SPEG: variants seen among roughly 807,000 people sequenced by gnomAD.
The protein encoded by SPEG is striated muscle preferentially expressed protein kinase.
In SPEG, 114 loss-of-function variants were observed where a neutral mutation model predicts 300.4. The observed-to-expected ratio is 0.38, with a 90% confidence interval of 0.33 to 0.44. The LOEUF (loss-of-function observed/expected upper bound fraction) is 0.44, where lower values mean the gene tolerates loss of function less well. SPEG is among the 20% of genes least tolerant of loss of function. The pLI, the probability that SPEG is intolerant of heterozygous loss-of-function variation, is 1.00. For missense variants in SPEG, 4,201 were observed against 4,586.2 expected (o/e 0.92, Z 2.43); for synonymous variants, 1,964 against 2,018.9 (o/e 0.97, Z 0.73).
rs557189784 is a variant in SPEG, at chr2:219,461,919, C to T, written c.2478C>T (p.Ser826=). 35 of 1,613,952 alleles carry T rather than the reference C, an allele frequency of 2.2e-5. No homozygotes were observed. The highest frequency in any genetic ancestry group is 4.5e-5 in the East Asian group (2 of 44,872). Reference sequence around the variant, plus strand: ...CCCCTTTCAGCAGCCCCATCACCTCCGACGAGGAATACCTGAGCCCCCCAG... The same window carrying T: ...CCCCTTTCAGCAGCCCCATCACCTCTGACGAGGAATACCTGAGCCCCCCAG... The part of the protein sequence containing the change: ...STSPFSSPIT[S]DEEYLSPPEE... The change falls in exon 7 of 41, where the codon TCC becomes TCT. Residue 826 remains serine (S), a synonymous_variant. Transcript: ENST00000312358.
At chr2:219,471,800 T>C in intron 13 of SPEG, 68 bp from the exon 14 acceptor site, 1 of 1,591,790 alleles carries the variant, frequency 6.3e-7, no homozygotes, top group Non-Finnish European at 8.6e-7. Flanking sequence ...AGGCCCGGGA[T>C]GGCATGGGCC....
intron 1 of SPEG, among the ~76,000 whole-genome samples, chr2:219,442,720 C>T (rs1215743354): frequency 1.3e-5 from 2 of 151,526 alleles, no homozygotes; most frequent in African/African-American, 2.4e-5. Context: ...CCCCCGCATC[C>T]CCATCTTCTC....
At chr2:219,466,275 A>G (rs1691347073) in intron 9 of SPEG, 1 of 1,427,048 alleles carries the variant, frequency 7.0e-7, no homozygotes, top group Non-Finnish European at 9.1e-7. Context: ...AAGTGGACAC[A>G]TGGCTGTGCA....
chr2:219,491,315 T>C (rs1425492627), intron 38 of SPEG, among the ~76,000 whole-genome samples: 1 of 152,214 alleles, frequency 6.6e-6, no homozygotes, highest in East Asian at 1.9e-4. Context: ...TTGACGTTCA[T>C]GATCTCTCTT....
rs1692102757 is a variant in SPEG, at chr2:219,473,805, G to A, written c.4349G>A (p.Arg1450Gln). 2.5e-6 allele frequency: 4 copies of A among 1,613,972 alleles called. No homozygotes were observed. The highest frequency in any genetic ancestry group is 3.4e-6 in the Non-Finnish European group (4 of 1,180,032). The change falls in exon 18 of 41, where the codon CGG (arginine) becomes CAG (glutamine). Residue 1450 changes from arginine (R) to glutamine (Q), a missense_variant. By Grantham distance (43) the Arg-to-Gln change is conservative. This residue lies in a region of SPEG where 1,047 missense variants were observed against 1,356.8 expected (regional missense o/e 0.77). Coordinates refer to ENST00000312358, the MANE Select transcript of SPEG (RefSeq NM_005876.5). This position sits in a 1 kb window ranked among gnomAD's most constrained non-coding sequence, Gnocchi z 4.6. The stretch of plus-strand genomic sequence containing the variant: ...CCAGATGATGACCAGTACTGTCTTC[G>A]GATCTGCCGGGTGAGCCGCCGGGAC... Reference protein sequence around the residue: ...SQPDDDQYCLRICRVSRRDMG... With the variant: ...SQPDDDQYCLQICRVSRRDMG...
chr2:219,461,864 A>G lies in SPEG; in HGVS notation c.2441-18A>G, dbSNP rs554564499. ...CTGCTCGCCTTCCTCCCTGGTAGCT[A>G]TCTCTGTCTCTCTCCAGGTGGGTCT... On this transcript the variant is annotated intron_variant, in intron 6 of 40. Transcript: ENST00000312358. The G allele has an allele frequency of 2.5e-5, 40 of 1,610,482 alleles. No individual in the cohort carries two copies. The highest frequency in any genetic ancestry group is 1.9e-4 in the South Asian group (17 of 90,676).
chr2:219,460,270 G>A (rs1190015137), intron 6 of SPEG: 1 of 980,596 alleles, frequency 1.0e-6, no homozygotes, highest in South Asian at 4.7e-5. Flanking sequence ...CTCTGTGAAG[G>A]AGGGCAAAGA....
rs1183700961 is a variant in SPEG at position 219,480,550 on chromosome 2, A to T, written c.5343-121A>T. The T allele has an allele frequency of 4.0e-6, 4 of 1,008,722 alleles. No individual in the cohort carries two copies. The South Asian group carries it at 5.4e-5, about 14-fold the overall frequency. The allele number at this position is 1,008,722 out of a possible 1,614,324, so 62.5% of individuals were successfully genotyped here. On this transcript the variant is annotated intron_variant, in intron 25 of 40. Coordinates refer to ENST00000312358, the MANE Select transcript of SPEG (RefSeq NM_005876.5). The surrounding 1 kb of genome is among the most constrained non-coding windows in gnomAD (Gnocchi z 5.3). ...CCCTGAAGAAGCCACTCCTGTGCCC[A>T]TTGTCCATGGCAGTGTTCCCAGGGA...
Position 219,484,500 on chromosome 2 carries a change from C to A in SPEG, c.7037C>A (p.Ser2346Ter). The change falls in exon 30 of 41, where the codon TCG becomes TAG. Residue 2346 changes from serine to a stop codon, truncating the protein, a stop_gained. Transcript: ENST00000312358. LOFTEE classifies it high-confidence loss of function. Reference sequence around the variant, plus strand: ...AAGCGCAGCCGCGAGTCGCCCCTGTCGCTGGGGCTGCGGCTGCTGAGCCGT... The same window carrying A: ...AAGCGCAGCCGCGAGTCGCCCCTGTAGCTGGGGCTGCGGCTGCTGAGCCGT... ...KFKRSRESPLSLGLRLLSRSR... is the reference protein window; with the variant it reads ...KFKRSRESPL The A allele has an allele frequency of 6.2e-7, 1 of 1,606,230 alleles. No homozygotes were observed. The highest frequency in any genetic ancestry group is 8.5e-7 in the Non-Finnish European group (1 of 1,178,110).
intron 9 of SPEG, chr2:219,466,319 G>C: frequency 7.1e-7 from 1 of 1,413,606 alleles, no homozygotes; most frequent in East Asian, 2.6e-5. Flanking sequence ...TGAGTGCTGG[G>C]AAGGGGCGGC....
rs1485650573 is a variant in SPEG, at chr2:219,479,142, A to G, written c.5028-2A>G. ...CACTGTTCTCCTTGATCTGGGATGTAGCTGCACAGAGGAGCTGCTGGAGCG... is the reference window on the plus strand; with the variant it reads ...CACTGTTCTCCTTGATCTGGGATGTGGCTGCACAGAGGAGCTGCTGGAGCG... On this transcript the variant is annotated splice_acceptor_variant, in intron 22 of 40. Coordinates refer to ENST00000312358, the MANE Select transcript of SPEG (RefSeq NM_005876.5). LOFTEE classifies it high-confidence loss of function. The surrounding 1 kb of genome is among the most constrained non-coding windows in gnomAD (Gnocchi z 5.5). 6.2e-7 allele frequency: 1 copy of G among 1,613,468 alleles called. No homozygotes were observed. Among genetic ancestry groups the G allele is most frequent in the Non-Finnish European group, 8.5e-7 (1 of 1,179,906 alleles).
rs373747426 is a variant in SPEG at position 219,465,845 on chromosome 2, ATGCATGTGTG to A, written c.2881+1251_2881+1260del. On this transcript the variant is annotated intron_variant, in intron 9 of 40. Coordinates refer to ENST00000312358, the MANE Select transcript of SPEG (RefSeq NM_005876.5). Reference sequence around the variant, plus strand: ...CGTGCGCATGCGTGCGTGTATGTGCATGCATGTGTGTGCATGTGTGTGCGTGTGTGCGTGC... The same window carrying A: ...CGTGCGCATGCGTGCGTGTATGTGCATGCATGTGTGTGCGTGTGTGCGTGC... 1.0e-3 allele frequency: 617 copies of A among 608,756 alleles called. 3 individuals are homozygous for A. Among genetic ancestry groups the A allele is most frequent in the South Asian group, 2.4e-3 (128 of 53,654 alleles). The allele number at this position is 608,756 out of a possible 1,614,324, so 37.7% of individuals were successfully genotyped here.
intron 8 of SPEG, among the ~76,000 whole-genome samples, chr2:219,463,368 A>C (rs1575103301): frequency 1.1e-5 from 1 of 93,564 alleles, no homozygotes; most frequent in Admixed American, 1.1e-4. Context: ...TTCATTTTTA[A>C]TTGATTGTCT....
In SPEG at chr2:219,483,737, C is replaced by T. The variant is rs1395526433; in HGVS notation, c.6274C>T (p.Leu2092=). The change falls in exon 30 of 41, where the codon CTG becomes TTG. Residue 2092 remains leucine (L), a synonymous_variant. Coordinates refer to ENST00000312358, the MANE Select transcript of SPEG (RefSeq NM_005876.5). ...GGTCAGCGGCCTCAGGGGTCCCCTG[C>T]TGGAGAGCCTGGGGGGCCGTGCTCG... is the stretch of plus-strand genomic sequence containing the variant. ...GKVSGLRGPL[L]ESLGGRARDP... 4 of 1,537,656 alleles carry T rather than the reference C, an allele frequency of 2.6e-6. No individual in the cohort carries two copies. Among genetic ancestry groups the T allele is most frequent in the South Asian group, 1.2e-5 (1 of 84,380 alleles).
chr2:219,462,132 ATGCC>A, intron 7 of SPEG, 75 bp downstream of exon 7: 1 of 1,271,186 alleles, frequency 7.9e-7, no homozygotes, highest in South Asian at 1.4e-5. Context: ...TCTTGGGGCC[ATGCC>A]TAGGCAACAT....
Position 219,493,403 on chromosome 2 carries a change from T to C in SPEG, c.*617T>C, listed in dbSNP as rs1176167937. On this transcript the variant is annotated 3_prime_UTR_variant, in exon 41 of 41. Transcript: ENST00000312358. ...CCAGCAGTCACTCACACTCGCTCTG[T>C]CCTCCTGTCCAGTGGATACAGCCCT... 1 of 375,018 alleles carries C rather than the reference T, an allele frequency of 2.7e-6. No individual in the cohort carries two copies. The highest frequency in any genetic ancestry group is 5.4e-6 in the Non-Finnish European group (1 of 185,978). 23.2% of individuals were successfully genotyped at this position (375,018 alleles called of 1,614,324 possible).
At chr2:219,470,829 G>C (rs1691806970) in intron 13 of SPEG, among the ~76,000 whole-genome samples, 1 of 152,186 alleles carries the variant, frequency 6.6e-6, no homozygotes, top group Admixed American at 6.5e-5. Flanking sequence ...TGGTAAAATG[G>C]GGATAATTTT....
Position 219,484,946 on chromosome 2 carries a change from A to G in SPEG, c.7483A>G (p.Thr2495Ala). 1.3e-6 allele frequency: 2 copies of G among 1,529,564 alleles called. No individual in the cohort carries two copies. The highest frequency in any genetic ancestry group is 8.7e-7 in the Non-Finnish European group (1 of 1,144,358). The allele number at this position is 1,529,564 out of a possible 1,614,324, so 94.7% of individuals were successfully genotyped here. ...GCTGTTCGGACGGCTTCGCAGGGCC[A>G]CGTCCGAGGGCGAGAGTCTGCGGCG... is the stretch of plus-strand genomic sequence containing the variant. ...TPLFGRLRRA[T>A]SEGESLRRLG... is the part of the protein sequence containing the mutation. The change falls in exon 30 of 41, where the codon ACG becomes GCG. Residue 2495 changes from threonine (T) to alanine (A), a missense_variant. By Grantham distance (58) the Thr-to-Ala change is moderately conservative. Transcript: ENST00000312358.
rs559606643 is a variant in SPEG, at chr2:219,479,177, G to A, written c.5061G>A (p.Arg1687=). The part of the protein sequence containing the change: ...CTEELLERIA[R]KPTVCESEIR... ...AGGAGCTGCTGGAGCGAATCGCCAG[G>A]AAACCCACCGTGTGTGAGTCTGAGG... The change falls in exon 23 of 41, where the codon AGG becomes AGA. Residue 1687 remains arginine, a synonymous_variant. Transcript: ENST00000312358. This position sits in a 1 kb window ranked among gnomAD's most constrained non-coding sequence, Gnocchi z 5.5. The A allele has an allele frequency of 6.4e-5, 103 of 1,613,688 alleles. 1 individual carries two copies. In the African/African-American group the frequency reaches 1.3e-3, roughly 21 times the overall value.
Sources: gnomAD v4.1 joint callset for allele counts (sites outside exome capture counted in the v4.1 genomes callset) on GRCh38, gnomAD v4.1.1 for gene constraint, gnomAD v4.1.1 regional missense constraint, Gnocchi (gnomAD v3.1) non-coding constraint, MANE v1.5 for transcripts, NCBI Gene and HGNC (gene_info 2026-07-23, HGNC 2026-07-21) for gene names.